The following LMTK3 variants were observed in gnomAD, a reference collection of about 807,000 sequenced individuals.
LMTK3 encodes the protein lemur tail kinase 3.
LMTK3 carries 27 observed loss-of-function variants against 116.7 expected under a neutral mutation model. The ratio of observed to expected loss-of-function variants is 0.23; its 90% CI spans 0.17 to 0.32. The LOEUF (loss-of-function observed/expected upper bound fraction) is 0.32, where lower values mean the gene tolerates loss of function less well. Ranked by LOEUF, LMTK3 falls within the 10% of genes least tolerant of loss-of-function variation. LMTK3 has a pLI of 1.00. For missense variants in LMTK3, 1,764 were observed against 2,068.5 expected, an observed-to-expected ratio of 0.85 and a Z score of 2.86; for synonymous variants, 965 against 971.0, an observed-to-expected ratio of 0.99 and a Z score of 0.11.
In LMTK3 at chr19:48,509,529, G is replaced by A. The variant is rs1227314594; in HGVS notation, c.362-16C>T. On this transcript the variant is annotated splice_polypyrimidine_tract_variant and intron_variant, in intron 3 of 14. Transcript: ENST00000600059. ...GTGGTCATGTCTGGGGAGGGCAAGA[G>A]GGGAAAGCCCCTGAGTCTCTCCCCC... is the stretch of plus-strand genomic sequence containing the variant. 1.9e-6 allele frequency: 3 copies of A among 1,542,800 alleles called. No individual in the cohort carries two copies. Among genetic ancestry groups the A allele is most frequent in the East Asian group, 2.4e-5 (1 of 41,012 alleles).
In LMTK3 at chr19:48,491,202, A is replaced by AG; in HGVS notation, c.4271dup (p.Pro1425SerfsTer115). On this transcript the variant is annotated frameshift_variant, in exon 14 of 15. Coordinates refer to ENST00000600059, the MANE Select transcript of LMTK3 (RefSeq NM_001388485.1). LOFTEE classifies it high-confidence loss of function. This position sits in a 1 kb window ranked among gnomAD's most constrained non-coding sequence, Gnocchi z 5.1. ...GGGAGAAGCACAGCGGGGGGCCTGG[A>AG]GGGGGGAGGAGGGGGAAATCCTCCG... The AG allele has an allele frequency of 9.7e-7, 1 of 1,034,248 alleles. No homozygotes were observed. Among genetic ancestry groups the AG allele is most frequent in the Non-Finnish European group, 1.2e-6 (1 of 864,388 alleles). The allele number at this position is 1,034,248 out of a possible 1,614,324, so 64.1% of individuals were successfully genotyped here.
Position 48,498,785 on chromosome 19 carries a change from C to G in LMTK3, c.2284G>C (p.Ala762Pro). The stretch of plus-strand genomic sequence containing the variant: ...GGGGACGCGGCCGGGTCCGCGGGGG[C>G]CCGAGGAGGTGGCGGCGGGGGGGGG... ...APPPPPPPPRAPADPAASPDP... is the reference protein window; with the variant it reads ...APPPPPPPPRPPADPAASPDP... The change falls in exon 11 of 15, where the codon GCC becomes CCC. Residue 762 changes from alanine (A) to proline (P), a missense_variant. Physicochemically the swap from Ala to Pro is conservative, Grantham distance 27 (BLOSUM62 -1). Coordinates refer to ENST00000600059, the MANE Select transcript of LMTK3 (RefSeq NM_001388485.1). 1 of 1,246,882 alleles carries G rather than the reference C, an allele frequency of 8.0e-7. No homozygotes were observed. The highest frequency in any genetic ancestry group is 1.0e-6 in the Non-Finnish European group (1 of 957,164). The allele number at this position is 1,246,882 out of a possible 1,614,324, so 77.2% of individuals were successfully genotyped here.
chr19:48,497,501 C>T lies in LMTK3; in HGVS notation c.3568G>A (p.Ala1190Thr). 1 of 1,458,818 alleles carries T rather than the reference C, an allele frequency of 6.9e-7. No homozygotes were observed. Among genetic ancestry groups the T allele is most frequent in the Non-Finnish European group, 9.0e-7 (1 of 1,106,846 alleles). The allele number at this position is 1,458,818 out of a possible 1,614,324, so 90.4% of individuals were successfully genotyped here. The change falls in exon 11 of 15, where the codon GCA (alanine) becomes ACA (threonine). Residue 1190 changes from alanine (A) to threonine (T), a missense_variant. Transcript: ENST00000600059. This position sits in a 1 kb window ranked among gnomAD's most constrained non-coding sequence, Gnocchi z 5.7. ...GGGGGGTCCCCGTCTCCGCTGAGTG[C>T]CGTGTCTCCGCCGGCCCTGCTGTCT... Reference protein sequence around the residue: ...APDSRAGGDTALSGDGDPPKP... With the variant: ...APDSRAGGDTTLSGDGDPPKP...
chr19:48,512,795 C>T (rs1972682744), upstream of LMTK3, among the ~76,000 whole-genome samples: 1 of 152,116 alleles, frequency 6.6e-6, no homozygotes, highest in South Asian at 2.1e-4. Context: ...TACAGGGCTA[C>T]ATAAATCACA....
At chr19:48,507,213 C>T (rs891352677) in intron 5 of LMTK3, among the ~76,000 whole-genome samples, 1 of 152,188 alleles carries the variant, frequency 6.6e-6, no homozygotes, top group Non-Finnish European at 1.5e-5. Flanking sequence ...TGGCCAAGGC[C>T]GGCCGCTCTG....
In LMTK3 at chr19:48,498,885, G is replaced by A. The variant is rs1972397859; in HGVS notation, c.2184C>T (p.Ala728=). The stretch of plus-strand genomic sequence containing the variant: ...TGAGGGGGTCCAGAAACTCGGGGGG[G>A]GCCGAGGCGGGGGGGGCCATGGGCA... ...ADLPMAPPAS[A]PPEFLDPLMG... is the part of the protein sequence containing the mutation. The change falls in exon 11 of 15, where the codon GCC becomes GCT. Residue 728 remains alanine (A), a synonymous_variant. Coordinates refer to ENST00000600059, the MANE Select transcript of LMTK3 (RefSeq NM_001388485.1). 1 of 1,185,578 alleles carries A rather than the reference G, an allele frequency of 8.4e-7. No homozygotes were observed. Among genetic ancestry groups the A allele is most frequent in the Non-Finnish European group, 1.1e-6 (1 of 929,460 alleles). 73.4% of individuals were successfully genotyped at this position (1,185,578 alleles called of 1,614,324 possible). A position where few individuals can be genotyped will look rare whatever the true frequency, so the allele number is the denominator to read the frequency against.
chr19:48,506,057 G>C (rs1007735416), intron 5 of LMTK3, among the ~76,000 whole-genome samples: 1 of 150,662 alleles, frequency 6.6e-6, no homozygotes, highest in Non-Finnish European at 1.5e-5. Context: ...CAGGAGAATC[G>C]CTTGAACCCA....
Position 48,491,382 on chromosome 19 carries a change from G to T in LMTK3, c.4228+22C>A, listed in dbSNP as rs183285733. 1.3e-5 allele frequency: 10 copies of T among 795,854 alleles called. No individual in the cohort carries two copies. The highest frequency in any genetic ancestry group is 6.0e-4 in the Middle Eastern group (1 of 1,680). The allele number at this position is 795,854 out of a possible 1,614,324, so 49.3% of individuals were successfully genotyped here. On this transcript the variant is annotated intron_variant, in intron 13 of 14. Transcript: ENST00000600059. The surrounding 1 kb of genome is among the most constrained non-coding windows in gnomAD (Gnocchi z 5.1). ...CGCCCCATGGCTCCCGCCCCCTCCC[G>T]CCCCATAGGGCCCGTCCTCACCAAA...
rs1217484749 is a variant in LMTK3, at chr19:48,499,015, C to A, written c.2054G>T (p.Arg685Leu). ...TCCCCAGCCTGCTACGGCGTCCCCC[C>A]GCTCCAGTGGCAGGCAGGAGCAGGC... ...EGACSCLPLE[R>L]GDAVAGWGGH... is the part of the protein sequence containing the mutation. Residue 685 changes from arginine to leucine, a missense_variant, in exon 11 of 15, where the codon CGG (arginine) becomes CTG (leucine). Around this residue, in one of 7 missense-constraint regions of LMTK3, gnomAD observed 1,028 missense variants for 1,050.6 expected, o/e 0.98. Coordinates refer to ENST00000600059, the MANE Select transcript of LMTK3 (RefSeq NM_001388485.1). The A allele has an allele frequency of 4.2e-6, 6 of 1,440,988 alleles. No homozygotes were observed. The highest frequency in any genetic ancestry group is 2.5e-5 in the Admixed American group (1 of 40,684). The allele number at this position is 1,440,988 out of a possible 1,614,324, so 89.3% of individuals were successfully genotyped here.
At chr19:48,503,837 C>CCCTT (rs373769996) in intron 5 of LMTK3, among the ~76,000 whole-genome samples, 142 of 151,618 alleles carry the variant, frequency 9.4e-4, no homozygotes, top group African/African-American at 2.8e-3. Flanking sequence ...CTTCCTCCCT[C>CCCTT]CCTTCCTTCC....
Position 48,491,059 on chromosome 19 carries a change from AG to A in LMTK3, c.4366+48del. ...TCACAAGAAGTTGGCAGTGGAACAT[AG>A]GGGGACAGAGATGGGCAGAGGAGGG... On this transcript the variant is annotated intron_variant, in intron 14 of 14. Transcript: ENST00000600059. This position sits in a 1 kb window ranked among gnomAD's most constrained non-coding sequence, Gnocchi z 5.1. 2.4e-6 allele frequency: 3 copies of A among 1,249,446 alleles called. No homozygotes were observed. The highest frequency in any genetic ancestry group is 3.1e-6 in the Non-Finnish European group (3 of 979,402). 77.4% of individuals were successfully genotyped at this position (1,249,446 alleles called of 1,614,324 possible). A position where few individuals can be genotyped will look rare whatever the true frequency, so the allele number is the denominator to read the frequency against.
At chr19:48,508,449 C>T (rs1348469676) in intron 5 of LMTK3, among the ~76,000 whole-genome samples, 1 of 152,058 alleles carries the variant, frequency 6.6e-6, no homozygotes, top group Non-Finnish European at 1.5e-5. Flanking sequence ...CAGTGGCCTG[C>T]TCGGGCACCT....
At chr19:48,493,568 C>T in intron 12 of LMTK3, 126 bp downstream of exon 12, 6 of 1,141,064 alleles carry the variant, frequency 5.3e-6, no homozygotes, top group Non-Finnish European at 6.9e-6. Flanking sequence ...CCGCCCCACT[C>T]CAGCTCCGCC....
intron 11 of LMTK3, among the ~76,000 whole-genome samples, chr19:48,495,004 G>GTGTTTTTTT (rs1356232247): frequency 6.7e-6 from 1 of 150,342 alleles, no homozygotes; most frequent in African/African-American, 2.5e-5. Flanking sequence ...CATAGAGGGA[G>GTGTTTTTTT]TGTTTTTTTT....
intron 14 of LMTK3, among the ~76,000 whole-genome samples, chr19:48,488,708 C>A (rs1343565523): frequency 1.3e-5 from 2 of 151,440 alleles, no homozygotes; most frequent in African/African-American, 4.9e-5. Context: ...TTAATGACAA[C>A]CAACCCTTCC....
In LMTK3 at chr19:48,496,367, C is replaced by T. The variant is rs568970020; in HGVS notation, c.3676+1026G>A. ...AGGCTGGAGTGCAGTGGCACAATCTCGGCTCGGTGCAAACTCCGCCTCCTG... is the reference window on the plus strand; with the variant it reads ...AGGCTGGAGTGCAGTGGCACAATCTTGGCTCGGTGCAAACTCCGCCTCCTG... On this transcript the variant is annotated intron_variant, in intron 11 of 14. Coordinates refer to ENST00000600059, the MANE Select transcript of LMTK3 (RefSeq NM_001388485.1). 4.0e-5 allele frequency among the ~76,000 whole-genome samples: 6 copies of T among 151,578 alleles called. No homozygotes were observed. In the East Asian group the frequency reaches 5.8e-4, roughly 15 times the overall value.
chr19:48,485,457 T>G lies in LMTK3; in HGVS notation c.*316A>C. 2.9e-6 allele frequency: 1 copy of G among 343,568 alleles called. No homozygotes were observed. 21.3% of individuals were successfully genotyped at this position (343,568 alleles called of 1,614,324 possible). A position where few individuals can be genotyped will look rare whatever the true frequency, so the allele number is the denominator to read the frequency against. ...AGTGGGTGAGGAGGGACCTCCGCTGTGTCGAGGGGCTCCAGGCCCAAAAGA... is the reference window on the plus strand; with the variant it reads ...AGTGGGTGAGGAGGGACCTCCGCTGGGTCGAGGGGCTCCAGGCCCAAAAGA... On this transcript the variant is annotated 3_prime_UTR_variant, in exon 15 of 15. Coordinates refer to ENST00000600059, the MANE Select transcript of LMTK3 (RefSeq NM_001388485.1).
Position 48,500,133 on chromosome 19 carries a change from G to A in LMTK3, c.1152-216C>T, listed in dbSNP as rs1333539915. On this transcript the variant is annotated intron_variant, in intron 10 of 14. Transcript: ENST00000600059. The surrounding 1 kb of genome is among the most constrained non-coding windows in gnomAD (Gnocchi z 4.0). ...GAGGGACAGAGACCCAGAGAGAGAGGGACAGAGATCCAGGCGTGGTGGCTC... is the reference window on the plus strand; with the variant it reads ...GAGGGACAGAGACCCAGAGAGAGAGAGACAGAGATCCAGGCGTGGTGGCTC... Among the ~76,000 whole-genome samples, 1 of 151,922 alleles carries A rather than the reference G, an allele frequency of 6.6e-6. No individual in the cohort carries two copies. Among genetic ancestry groups the A allele is most frequent in the Non-Finnish European group, 1.5e-5 (1 of 67,950 alleles).
At chr19:48,489,837 C>T (rs2147528885) in intron 14 of LMTK3, among the ~76,000 whole-genome samples, 1 of 152,268 alleles carries the variant, frequency 6.6e-6, no homozygotes, top group African/African-American at 2.4e-5. Flanking sequence ...TGAAACCCTC[C>T]AGTGGCGTCT....
Sources: gnomAD v4.1 joint callset for allele counts (sites outside exome capture counted in the v4.1 genomes callset) on GRCh38, gnomAD v4.1.1 for gene constraint, gnomAD v4.1.1 regional missense constraint, Gnocchi (gnomAD v3.1) non-coding constraint, MANE v1.5 for transcripts, NCBI Gene and HGNC (gene_info 2026-07-23, HGNC 2026-07-21) for gene names.